Variants in UBASH3A observed in about 807,000 individuals in gnomAD.
The protein encoded by UBASH3A is ubiquitin-associated and SH3 domain-containing protein A.
In UBASH3A, 63 loss-of-function variants were observed where a neutral mutation model predicts 73.5. The observed-to-expected ratio is 0.86, with a 90% confidence interval of 0.70 to 1.06. UBASH3A has a LOEUF of 1.06. Among genes scored for constraint, UBASH3A ranks in the 50% least tolerant of loss-of-function variants. UBASH3A has a pLI of 0.00. For synonymous variants in UBASH3A, 363 were observed against 351.1 expected (o/e 1.03, Z -0.38); for missense variants, 860 against 859.0 (o/e 1.00, Z -0.02).
intron 9 of UBASH3A, 47 bp from the exon 10 acceptor site, chr21:42,434,785 G>C: frequency 6.3e-7 from 1 of 1,592,960 alleles, no homozygotes; most frequent in Non-Finnish European, 8.6e-7. Context: ...GAACAAATCT[G>C]TACTAACTTG....
intron 3 of UBASH3A, among the ~76,000 whole-genome samples, chr21:42,411,041 C>T (rs1013778010): frequency 5.4e-5 from 8 of 149,382 alleles, no homozygotes; most frequent in Non-Finnish European, 8.9e-5. Flanking sequence ...GACGTACACA[C>T]GGCACACACA....
Position 42,413,127 on chromosome 21 carries a change from C to G in UBASH3A, c.458C>G (p.Ser153Cys). Residue 153 changes from serine (S) to cysteine (C), a missense_variant, in exon 4 of 15, where the codon TCC becomes TGC. By Grantham distance (112) the Ser-to-Cys change is moderately radical (BLOSUM62 -1). Coordinates refer to ENST00000319294, the MANE Select transcript of UBASH3A (RefSeq NM_018961.4). This position sits in a 1 kb window ranked among gnomAD's most constrained non-coding sequence, Gnocchi z 4.5. ...GCCGTGCCTCTGGCTCTCCACTCCT[C>G]CATCAGCTACCTCGGCTTCTTCGTC... ...PTAVPLALHSSISYLGFFVSG... is the reference protein window; with the variant it reads ...PTAVPLALHSCISYLGFFVSG... 1.2e-6 allele frequency: 2 copies of G among 1,614,230 alleles called. No homozygotes were observed. The highest frequency in any genetic ancestry group is 8.5e-7 in the Non-Finnish European group (1 of 1,180,040).
intron 3 of UBASH3A, among the ~76,000 whole-genome samples, chr21:42,412,108 C>T (rs1039149753): frequency 1.3e-5 from 2 of 152,182 alleles, no homozygotes; most frequent in Non-Finnish European, 2.9e-5. Context: ...CCCTGTGGTC[C>T]GATGTGGCCA....
chr21:42,439,934 A>C (rs1345679157), intron 11 of UBASH3A, among the ~76,000 whole-genome samples: 2 of 133,988 alleles, frequency 1.5e-5, no homozygotes. Flanking sequence ...CCACACACAT[A>C]CACACACCAC....
intron 11 of UBASH3A, among the ~76,000 whole-genome samples, chr21:42,440,370 T>C (rs189512481): frequency 2.6e-5 from 4 of 152,350 alleles, no homozygotes; most frequent in Non-Finnish European, 5.9e-5. Context: ...AAAATTGATA[T>C]ATAGCAATTT....
At chr21:42,436,050 CAG>C in intron 10 of UBASH3A, among the ~76,000 whole-genome samples, 1 of 127,816 alleles carries the variant, frequency 7.8e-6, no homozygotes, top group Non-Finnish European at 1.6e-5. Flanking sequence ...GTTAGAGTTA[CAG>C]AGTCATAGAT....
At position 42,426,796 on chromosome 21, in the gene UBASH3A, T is replaced by TTAA; in HGVS notation, c.1146_1147insTAA (p.Ser382_Leu383insTer). 1 of 1,613,932 alleles carries TTAA rather than the reference T, an allele frequency of 6.2e-7. No individual in the cohort carries two copies. The highest frequency in any genetic ancestry group is 8.5e-7 in the Non-Finnish European group (1 of 1,179,964). ...AATTTCTTCCACAAACGGCAAGGAGTCTTAGCAGCTTACAGGCCTTGCAGG... is the reference window on the plus strand; with the variant it reads ...AATTTCTTCCACAAACGGCAAGGAGTTAACTTAGCAGCTTACAGGCCTTGCAGG... On this transcript the variant is annotated stop_gained and inframe_insertion, in exon 8 of 15. Coordinates refer to ENST00000319294, the MANE Select transcript of UBASH3A (RefSeq NM_018961.4). LOFTEE classifies it high-confidence loss of function.
chr21:42,436,657 G>A (rs145063067), intron 10 of UBASH3A, among the ~76,000 whole-genome samples: 21 of 152,282 alleles, frequency 1.4e-4, no homozygotes, highest in African/African-American at 4.3e-4. Context: ...TTCAAGGGAG[G>A]GGATACAGTT....
Sources: gnomAD v4.1 joint callset for allele counts (sites outside exome capture counted in the v4.1 genomes callset) on GRCh38, gnomAD v4.1.1 for gene constraint, Gnocchi (gnomAD v3.1) non-coding constraint, MANE v1.5 for transcripts, NCBI Gene and HGNC (gene_info 2026-07-23, HGNC 2026-07-21) for gene names.